Variants in PALM2AKAP2 observed in about 807,000 individuals in gnomAD.
PALM2AKAP2 encodes the protein PALM2-AKAP2 fusion protein.
Under a neutral mutation model 71.5 loss-of-function variants are expected in PALM2AKAP2, and 37 were observed. The ratio of observed to expected loss-of-function variants is 0.52; its 90% CI spans 0.40 to 0.68. The LOEUF (loss-of-function observed/expected upper bound fraction) is 0.68, where lower values mean the gene tolerates loss of function less well. Ranked by LOEUF, PALM2AKAP2 falls within the 30% of genes least tolerant of loss-of-function variation. PALM2AKAP2 has a pLI of 0.00. For synonymous variants in PALM2AKAP2, 468 were observed against 478.8 expected, an observed-to-expected ratio of 0.98 and a Z score of 0.29; for missense variants, 1,224 against 1,191.8, an observed-to-expected ratio of 1.03 and a Z score of -0.40.
intron 3 of PALM2AKAP2, among the ~76,000 whole-genome samples, chr9:109,903,373 T>G (rs1418611349): frequency 6.6e-6 from 1 of 152,036 alleles, no homozygotes; most frequent in Non-Finnish European, 1.5e-5. Flanking sequence ...TGGGGACACT[T>G]ACTGCAACCC....
intron 3 of PALM2AKAP2, among the ~76,000 whole-genome samples, chr9:109,909,657 A>G (rs1161017142): frequency 6.6e-6 from 1 of 152,238 alleles, no homozygotes. Flanking sequence ...TGGTAGAAAT[A>G]TGTCCATGAG....
intron 6 of PALM2AKAP2, among the ~76,000 whole-genome samples, chr9:109,956,979 A>C (rs571924038): frequency 1.3e-5 from 2 of 152,350 alleles, no homozygotes; most frequent in East Asian, 3.9e-4. Context: ...GCTCAAAGCC[A>C]CAAGAAGAGC....
chr9:109,646,508 C>A (rs1827156862), intron 1 of PALM2AKAP2, among the ~76,000 whole-genome samples: 1 of 152,172 alleles, frequency 6.6e-6, no homozygotes, highest in Non-Finnish European at 1.5e-5. Context: ...TGGACTTAGG[C>A]TTATAGCATC....
intron 2 of PALM2AKAP2, among the ~76,000 whole-genome samples, chr9:109,878,648 A>C (rs1477507077): frequency 1.3e-5 from 2 of 150,704 alleles, no homozygotes; most frequent in African/African-American, 2.4e-5. Context: ...GGCATGGAGC[A>C]GGGTGTCTAC....
At chr9:110,049,110 A>G (rs999220855) in intron 1 of PALM2AKAP2, among the ~76,000 whole-genome samples, 19 of 152,266 alleles carry the variant, frequency 1.2e-4, no homozygotes, top group African/African-American at 4.6e-4. Flanking sequence ...GCTTTGTTCA[A>G]TGCTTATCAT....
At chr9:109,657,192 G>A (rs1346841191) in intron 1 of PALM2AKAP2, among the ~76,000 whole-genome samples, 1 of 152,220 alleles carries the variant, frequency 6.6e-6, no homozygotes, top group Non-Finnish European at 1.5e-5. Flanking sequence ...CAACCACTGT[G>A]AGATTGTTTC....
intron 1 of PALM2AKAP2, among the ~76,000 whole-genome samples, chr9:109,755,794 T>A (rs1336531953): frequency 6.6e-6 from 1 of 152,144 alleles, no homozygotes; most frequent in Non-Finnish European, 1.5e-5. Flanking sequence ...TTATTATATG[T>A]GAGGAGAGCC....
At chr9:110,036,338 T>TA (rs1246359594) in intron 7 of PALM2AKAP2, among the ~76,000 whole-genome samples, 2 of 152,146 alleles carry the variant, frequency 1.3e-5, no homozygotes, top group African/African-American at 4.8e-5. Context: ...AAATAAGAAG[T>TA]ATTTGGGCAT....
chr9:110,054,409 A>T (rs1006063799), intron 1 of PALM2AKAP2, among the ~76,000 whole-genome samples: 1 of 152,142 alleles, frequency 6.6e-6, no homozygotes, highest in African/African-American at 2.4e-5. Flanking sequence ...CAAAAAAAAA[A>T]AATACCAAAA....
chr9:109,724,473 C>T (rs542851982), intron 1 of PALM2AKAP2, among the ~76,000 whole-genome samples: 12 of 152,150 alleles, frequency 7.9e-5, no homozygotes, highest in African/African-American at 2.9e-4. Flanking sequence ...GCTTGCTTAA[C>T]CAGATCAAAA....
At chr9:109,673,011 A>G (rs1827597904) in intron 1 of PALM2AKAP2, among the ~76,000 whole-genome samples, 1 of 152,012 alleles carries the variant, frequency 6.6e-6, no homozygotes, top group Admixed American at 6.6e-5. Flanking sequence ...TAGTCTAGCT[A>G]GCAGTCTATC....
intron 1 of PALM2AKAP2, among the ~76,000 whole-genome samples, chr9:109,751,204 G>A (rs1386304219): frequency 6.6e-6 from 1 of 152,074 alleles, no homozygotes; most frequent in Non-Finnish European, 1.5e-5. Flanking sequence ...GCATATACAA[G>A]GATATCCTCA....
intron 6 of PALM2AKAP2, chr9:109,945,837 G>T (rs890275256): frequency 2.0e-5 from 3 of 152,144 alleles, no homozygotes. Context: ...AAAATGATCT[G>T]CACATCTTAC....
At chr9:110,066,679 A>G (rs1834086533) in intron 1 of PALM2AKAP2, among the ~76,000 whole-genome samples, 1 of 151,066 alleles carries the variant, frequency 6.6e-6, no homozygotes, top group East Asian at 1.9e-4. Context: ...AGCCTGGGGA[A>G]CAGACCAAGA....
upstream of PALM2AKAP2, among the ~76,000 whole-genome samples, chr9:110,047,015 C>A (rs987930626): frequency 6.6e-6 from 1 of 151,816 alleles, no homozygotes; most frequent in Non-Finnish European, 1.5e-5. Flanking sequence ...AAAAATAGAT[C>A]AGTATGTAGG....
At chr9:109,660,147 T>C (rs930378006) in intron 1 of PALM2AKAP2, among the ~76,000 whole-genome samples, 2 of 152,142 alleles carry the variant, frequency 1.3e-5, no homozygotes, top group African/African-American at 2.4e-5. Flanking sequence ...AAACAACTCT[T>C]TCAGAAAAAT....
At chr9:109,655,015 C>A (rs1287577456) in intron 1 of PALM2AKAP2, among the ~76,000 whole-genome samples, 1 of 152,098 alleles carries the variant, frequency 6.6e-6, no homozygotes, top group African/African-American at 2.4e-5. Context: ...AGGGGCCGGG[C>A]GCGGTGGCTC....
At chr9:109,800,704 T>G (rs1827403344) in intron 1 of PALM2AKAP2, among the ~76,000 whole-genome samples, 1 of 152,272 alleles carries the variant, frequency 6.6e-6, no homozygotes, top group South Asian at 2.1e-4. Flanking sequence ...TCTCTGTATT[T>G]ACTCAAAATA....
intron 1 of PALM2AKAP2, among the ~76,000 whole-genome samples, chr9:110,108,939 C>T (rs1835176826): frequency 6.6e-6 from 1 of 151,954 alleles, no homozygotes; most frequent in Admixed American, 6.6e-5. Context: ...CTCCATGGGG[C>T]TCAAAACCCA....
Sources: gnomAD v4.1 joint callset for allele counts (sites outside exome capture counted in the v4.1 genomes callset) on GRCh38, gnomAD v4.1.1 for gene constraint, MANE v1.5 for transcripts, NCBI Gene and HGNC (gene_info 2026-07-23, HGNC 2026-07-21) for gene names.